MYO3B: variants seen among roughly 807,000 people sequenced by gnomAD.
MYO3B encodes the protein myosin-IIIb.
Under a neutral mutation model 174.6 loss-of-function variants are expected in MYO3B, and 156 were observed. That is an observed-to-expected ratio of 0.89 (90% CI 0.78 to 1.02). The LOEUF is 1.02. Ranked by LOEUF, MYO3B falls within the 50% of genes least tolerant of loss-of-function variation. MYO3B has a pLI of 0.00. For synonymous variants in MYO3B, 563 were observed against 569.1 expected (o/e 0.99, Z 0.15); for missense variants, 1,632 against 1,639.4 (o/e 1.00, Z 0.08).
chr2:170,234,167 T>G (rs2093043307), intron 6 of MYO3B, among the ~76,000 whole-genome samples: 2 of 35,012 alleles, frequency 5.7e-5, no homozygotes, highest in Admixed American at 6.5e-4. Context: ...TGAGACTCCG[T>G]CTCAAAAAAA....
chr2:170,617,512 T>C lies in MYO3B; in HGVS notation c.3734-34116T>C, dbSNP rs546107859. On this transcript the variant is annotated intron_variant, in intron 32 of 34. Coordinates refer to ENST00000408978, the MANE Select transcript of MYO3B (RefSeq NM_138995.5). The stretch of plus-strand genomic sequence containing the variant: ...TGTTGGACTCCATATAGAGAGTATA[T>C]ACATTTTGAGGTGACAAAGTGGATT... Among the ~76,000 whole-genome samples the C allele has an allele frequency of 4.6e-5, 7 of 152,342 alleles. No homozygotes were observed. The East Asian group carries it at 1.2e-3, about 25-fold the overall frequency.
At chr2:170,534,150 T>C (rs1689535942) in intron 30 of MYO3B, among the ~76,000 whole-genome samples, 1 of 152,264 alleles carries the variant, frequency 6.6e-6, no homozygotes, top group African/African-American at 2.4e-5. Context: ...CACCCTGTGT[T>C]GAGCAAGTCT....
intron 3 of MYO3B, among the ~76,000 whole-genome samples, chr2:170,211,561 T>C (rs1268535838): frequency 1.3e-5 from 2 of 152,162 alleles, no homozygotes; most frequent in African/African-American, 4.8e-5. Flanking sequence ...ATTTAGAACC[T>C]TTAGAGGTAA....
intron 4 of MYO3B, 37 bp from the exon 5 acceptor site, chr2:170,214,692 C>T (rs764644530): frequency 5.7e-6 from 9 of 1,573,360 alleles, no homozygotes; most frequent in South Asian, 3.3e-5. Flanking sequence ...TCCCCTTTCT[C>T]TTTCCTGTTG....
chr2:170,214,844 C>A lies in MYO3B; in HGVS notation c.526+16C>A, dbSNP rs747294806. On this transcript the variant is annotated intron_variant, in intron 5 of 34. Transcript: ENST00000408978. ...GTTGACTTTGGTAATGACTGCTTGT[C>A]GTTTGTTTTCTTGACGTGTGCAGTT... 1.9e-6 allele frequency: 3 copies of A among 1,596,212 alleles called. No individual in the cohort carries two copies. In the South Asian group the frequency reaches 3.3e-5, roughly 18 times the overall value.
At chr2:170,569,899 A>G (rs1048170020) in intron 32 of MYO3B, among the ~76,000 whole-genome samples, 2 of 151,292 alleles carry the variant, frequency 1.3e-5, no homozygotes, top group African/African-American at 2.4e-5. Flanking sequence ...ACTGAGAGTC[A>G]TGGAAACGTT....
chr2:170,430,075 A>C (rs1260136933), intron 22 of MYO3B, among the ~76,000 whole-genome samples: 1 of 151,308 alleles, frequency 6.6e-6, no homozygotes, highest in African/African-American at 2.4e-5. Flanking sequence ...GCAAAACTGC[A>C]TATATGGAGG....
chr2:170,608,140 G>A (rs73030753), intron 32 of MYO3B, among the ~76,000 whole-genome samples: 3,236 of 152,282 alleles, frequency 0.021, 83 homozygotes, highest in African/African-American at 0.064. Flanking sequence ...CAGGCGAGGC[G>A]GAGGTTGCAG....
intron 32 of MYO3B, among the ~76,000 whole-genome samples, chr2:170,605,986 G>A (rs1177479950): frequency 6.6e-6 from 1 of 152,064 alleles, no homozygotes; most frequent in African/African-American, 2.4e-5. Context: ...TTGACCTTCT[G>A]AATACATCTT....
At chr2:170,629,878 A>G (rs1696800516) in intron 32 of MYO3B, among the ~76,000 whole-genome samples, 1 of 152,128 alleles carries the variant, frequency 6.6e-6, no homozygotes, top group African/African-American at 2.4e-5. Flanking sequence ...CCACACAATA[A>G]TGAACTAGAA....
chr2:170,363,435 T>C (rs899897454), intron 8 of MYO3B, among the ~76,000 whole-genome samples: 14 of 152,140 alleles, frequency 9.2e-5, no homozygotes, highest in African/African-American at 3.4e-4. Context: ...GGTTATGAAA[T>C]GGCAGTTTAC....
intron 32 of MYO3B, among the ~76,000 whole-genome samples, chr2:170,581,128 A>C (rs1242713756): frequency 6.6e-6 from 1 of 152,124 alleles, no homozygotes; most frequent in African/African-American, 2.4e-5. Flanking sequence ...ACAAATTTGC[A>C]CTCATACCAG....
chr2:170,204,250 G>A (rs187093435), intron 3 of MYO3B, among the ~76,000 whole-genome samples: 1 of 152,166 alleles, frequency 6.6e-6, no homozygotes, highest in African/African-American at 2.4e-5. Flanking sequence ...CTTCCTAAGG[G>A]ATTTTCTGAA....
At chr2:170,544,124 A>G in intron 32 of MYO3B, 136 bp downstream of exon 32, 1 of 570,918 alleles carries the variant, frequency 1.8e-6, no homozygotes, top group Non-Finnish European at 3.1e-6. Flanking sequence ...GAAGCCATAC[A>G]TGCTGGATGT....
intron 7 of MYO3B, among the ~76,000 whole-genome samples, chr2:170,283,022 G>C (rs974835994): frequency 3.3e-5 from 5 of 152,152 alleles, no homozygotes; most frequent in African/African-American, 1.2e-4. Flanking sequence ...GGATGCCAGT[G>C]GTGTGCTCCC....
rs372358412 is a variant in MYO3B, at chr2:170,623,870, G to C, written c.3734-27758G>C. ...TCTTGTTTTTGTCAGGTTTGTCAAAGATCAGGTAGTGTAGATGTGTGGTAT... is the reference window on the plus strand; with the variant it reads ...TCTTGTTTTTGTCAGGTTTGTCAAACATCAGGTAGTGTAGATGTGTGGTAT... On this transcript the variant is annotated intron_variant, in intron 32 of 34. Transcript: ENST00000408978. Among the ~76,000 whole-genome samples, 16 of 152,312 alleles carry C rather than the reference G, an allele frequency of 1.1e-4. No individual in the cohort carries two copies. The East Asian group carries it at 2.5e-3, about 24-fold the overall frequency.
intron 23 of MYO3B, among the ~76,000 whole-genome samples, chr2:170,457,050 G>C (rs1372381641): frequency 6.6e-6 from 1 of 152,172 alleles, no homozygotes; most frequent in Non-Finnish European, 1.5e-5. Flanking sequence ...ACATAGAAAA[G>C]ATACAGTAAA....
chr2:170,202,552 G>A (rs184829185), intron 3 of MYO3B, among the ~76,000 whole-genome samples: 4 of 152,330 alleles, frequency 2.6e-5, no homozygotes, highest in Admixed American at 6.5e-5. Context: ...ATAATTGGTT[G>A]TATGGCAGAA....
chr2:170,201,462 G>C lies in MYO3B; in HGVS notation c.321+1178G>C, dbSNP rs75473659. 9.8e-3 allele frequency among the ~76,000 whole-genome samples: 1,490 copies of C among 152,266 alleles called. 13 individuals carry two copies. Among genetic ancestry groups the C allele is most frequent in the Middle Eastern group, 0.031 (9 of 294 alleles). On this transcript the variant is annotated intron_variant, in intron 3 of 34. Coordinates refer to ENST00000408978, the MANE Select transcript of MYO3B (RefSeq NM_138995.5). ...TGGTACCTCTTGTCCACATGTTTCT[G>C]GCTCTGGGAGGGCCTGAGCCTGGGA...
Sources: gnomAD v4.1 joint callset for allele counts (sites outside exome capture counted in the v4.1 genomes callset) on GRCh38, gnomAD v4.1.1 for gene constraint, MANE v1.5 for transcripts, NCBI Gene and HGNC (gene_info 2026-07-23, HGNC 2026-07-21) for gene names.